NTM: variants seen among roughly 807,000 people sequenced by gnomAD.
The protein encoded by NTM is neurotrimin.
In NTM, 13 loss-of-function variants were observed where a neutral mutation model predicts 42.1. That is an observed-to-expected ratio of 0.31 (90% confidence interval 0.20 to 0.49). The LOEUF is 0.49. Ranked by LOEUF, NTM falls within the 20% of genes least tolerant of loss-of-function variation. NTM has a pLI of 0.99. For synonymous variants in NTM, 187 were observed against 179.2 expected, an observed-to-expected ratio of 1.04 and a Z score of -0.35; for missense variants, 373 against 452.8, an observed-to-expected ratio of 0.82 and a Z score of 1.60.
chr11:131,857,719 C>T (rs2046239040), intron 1 of NTM, among the ~76,000 whole-genome samples: 1 of 152,150 alleles, frequency 6.6e-6, no homozygotes, highest in Admixed American at 6.6e-5. Flanking sequence ...TTCCTATCTC[C>T]ATTGCTAAAG....
intron 1 of NTM, among the ~76,000 whole-genome samples, chr11:131,785,731 T>A (rs538563821): frequency 3.3e-5 from 5 of 152,318 alleles, no homozygotes; most frequent in Admixed American, 2.0e-4. Flanking sequence ...ATGGCTAATT[T>A]GGGACACAAG....
rs530044075 is a variant in NTM, at chr11:131,719,242, C to A, written c.83-192322C>A. On this transcript the variant is annotated intron_variant, in intron 1 of 8. Coordinates refer to ENST00000683400, the MANE Select transcript of NTM (RefSeq NM_001352005.2). Reference sequence around the variant, plus strand: ...TTTTGTCTCTCTTGTTGTTCCTAATCTTGTTGTTGTTTCCAGTGGGAAGGT... The same window carrying A: ...TTTTGTCTCTCTTGTTGTTCCTAATATTGTTGTTGTTTCCAGTGGGAAGGT... 1.4e-4 allele frequency among the ~76,000 whole-genome samples: 22 copies of A among 152,232 alleles called. No homozygotes were observed. The South Asian group carries it at 4.4e-3, about 30-fold the overall frequency.
At chr11:131,835,068 C>T (rs10750492) in intron 1 of NTM, among the ~76,000 whole-genome samples, 85,689 of 151,848 alleles carry the variant, frequency 0.56, 25,250 homozygotes, top group Admixed American at 0.68. Flanking sequence ...GCTAACATCC[C>T]TGTCCTCATG....
At chr11:132,039,415 ATT>A (rs71475786) in intron 2 of NTM, among the ~76,000 whole-genome samples, 12,405 of 133,090 alleles carry the variant, frequency 0.093, 613 homozygotes, top group African/African-American at 0.14. Flanking sequence ...GCCCCTCATA[ATT>A]TTTTTTTTTT....
chr11:132,065,380 T>G (rs1629316), intron 2 of NTM, among the ~76,000 whole-genome samples: 18,688 of 152,188 alleles, frequency 0.12, 1,247 homozygotes, highest in Middle Eastern at 0.16. Context: ...AGGCACAGCG[T>G]GTAGAATATG....
intron 3 of NTM, among the ~76,000 whole-genome samples, chr11:132,194,995 G>A (rs1329329397): frequency 6.6e-6 from 1 of 151,618 alleles, no homozygotes; most frequent in Non-Finnish European, 1.5e-5. Context: ...GCTAGTTTTT[G>A]TTCTTTTAGT....
intron 1 of NTM, among the ~76,000 whole-genome samples, chr11:131,723,000 T>C (rs892360444): frequency 6.6e-6 from 1 of 152,196 alleles, no homozygotes; most frequent in Non-Finnish European, 1.5e-5. Context: ...TCTTGCTTTT[T>C]CAGATGAGTT....
At chr11:132,062,064 T>C (rs2080767321) in intron 2 of NTM, among the ~76,000 whole-genome samples, 1 of 152,130 alleles carries the variant, frequency 6.6e-6, no homozygotes, top group South Asian at 2.1e-4. Flanking sequence ...GCTGTGTGAT[T>C]GGTAGACTTC....
At chr11:132,206,400 G>T (rs1349883499) in intron 3 of NTM, among the ~76,000 whole-genome samples, 2 of 152,092 alleles carry the variant, frequency 1.3e-5, no homozygotes, top group African/African-American at 4.8e-5. Flanking sequence ...TGTTGACACT[G>T]CATATATGTG....
intron 1 of NTM, among the ~76,000 whole-genome samples, chr11:131,445,704 C>T (rs1346570743): frequency 1.3e-5 from 2 of 152,204 alleles, no homozygotes; most frequent in Non-Finnish European, 2.9e-5. Context: ...CAAGCATTCA[C>T]AATTCCTGCA....
rs537647665 is a variant in NTM, at chr11:131,689,012, A to G, written c.83-222552A>G. On this transcript the variant is annotated intron_variant, in intron 1 of 8. Transcript: ENST00000683400. ...TTGGTTTTTAAAAATGCATTTAGTT[A>G]GTTTTAATTTTACACGTGCATGCCT... 1.1e-3 allele frequency among the ~76,000 whole-genome samples: 169 copies of G among 152,350 alleles called. 1 individual carries two copies. Among genetic ancestry groups the G allele is most frequent in the African/African-American group, 3.9e-3 (162 of 41,582 alleles).
intron 1 of NTM, among the ~76,000 whole-genome samples, chr11:131,752,965 G>C (rs1017779746): frequency 5.3e-5 from 8 of 152,042 alleles, no homozygotes; most frequent in African/African-American, 4.8e-5. Context: ...CCTACAAAAT[G>C]GGAGAAAATT....
At chr11:131,778,506 C>G (rs886877457) in intron 1 of NTM, among the ~76,000 whole-genome samples, 6 of 152,140 alleles carry the variant, frequency 3.9e-5, no homozygotes, top group African/African-American at 1.4e-4. Flanking sequence ...GAATGGAAGT[C>G]AACTACAAGA....
intron 1 of NTM, among the ~76,000 whole-genome samples, chr11:131,658,394 C>A (rs917305754): frequency 3.9e-5 from 6 of 152,084 alleles, no homozygotes. Flanking sequence ...TCCCATAGAC[C>A]CCTTTTCCCA....
At chr11:131,830,223 T>C (rs950198179) in intron 1 of NTM, among the ~76,000 whole-genome samples, 3 of 152,218 alleles carry the variant, frequency 2.0e-5, no homozygotes, top group Non-Finnish European at 4.4e-5. Flanking sequence ...CAATTGTTTT[T>C]GAGGATGTAG....
intron 2 of NTM, among the ~76,000 whole-genome samples, chr11:132,089,122 C>T (rs2060092835): frequency 6.6e-6 from 1 of 152,186 alleles, no homozygotes; most frequent in Admixed American, 6.5e-5. Flanking sequence ...TTTCTCAAAA[C>T]ACTCTCATAG....
chr11:131,575,193 AG>A (rs59548517), intron 1 of NTM, among the ~76,000 whole-genome samples: 81,681 of 151,916 alleles, frequency 0.54, 22,225 homozygotes, highest in South Asian at 0.68. Flanking sequence ...CAGCATACAA[AG>A]GCTCTGAGAA....
At chr11:131,480,395 C>T (rs1007282753) in intron 1 of NTM, among the ~76,000 whole-genome samples, 15 of 152,138 alleles carry the variant, frequency 9.9e-5, no homozygotes, top group Non-Finnish European at 1.6e-4. Flanking sequence ...TCGCTTGATA[C>T]TAGGCATTTT....
chr11:131,902,716 C>T (rs1473033938), intron 1 of NTM, among the ~76,000 whole-genome samples: 4 of 152,282 alleles, frequency 2.6e-5, no homozygotes, highest in African/African-American at 7.2e-5. Context: ...AACATCACAG[C>T]AGTTCATCCA....
Sources: gnomAD v4.1 joint callset for allele counts (sites outside exome capture counted in the v4.1 genomes callset) on GRCh38, gnomAD v4.1.1 for gene constraint, MANE v1.5 for transcripts, NCBI Gene and HGNC (gene_info 2026-07-23, HGNC 2026-07-21) for gene names.